LINGO2: variants seen among roughly 807,000 people sequenced by gnomAD.
LINGO2 encodes the protein leucine rich repeat and Ig domain containing 2.
Under a neutral mutation model 30.6 loss-of-function variants are expected in LINGO2, and 14 were observed. That is an observed-to-expected ratio of 0.46 (90% CI 0.30 to 0.72). The LOEUF is 0.72. LINGO2 is among the 30% of genes least tolerant of loss of function. LINGO2 has a pLI of 0.07. For missense variants in LINGO2, 729 were observed against 751.7 expected (o/e 0.97, Z 0.35); for synonymous variants, 317 against 288.5 (o/e 1.10, Z -1.00).
chr9:28,558,404 G>A (rs1822864731), intron 1 of LINGO2, among the ~76,000 whole-genome samples: 1 of 152,040 alleles, frequency 6.6e-6, no homozygotes, highest in South Asian at 2.1e-4. Flanking sequence ...TCAGCGTTTA[G>A]TATGCATATT....
the LINGO2 span, among the ~76,000 whole-genome samples, chr9:28,979,347 A>T: frequency 2.0e-5 from 3 of 152,106 alleles, no homozygotes; most frequent in East Asian, 5.8e-4. Flanking sequence ...GGTGGCTTTC[A>T]AAGTAGCTAT....
chr9:28,459,584 A>C (rs1021397032), intron 2 of LINGO2, among the ~76,000 whole-genome samples: 4 of 152,080 alleles, frequency 2.6e-5, no homozygotes, highest in African/African-American at 9.7e-5. Context: ...TATGAATATT[A>C]ATATGGATCT....
chr9:28,781,079 G>C, the LINGO2 span, among the ~76,000 whole-genome samples: 1 of 152,112 alleles, frequency 6.6e-6, no homozygotes, highest in Non-Finnish European at 1.5e-5. Context: ...TAGAAGCCTT[G>C]TATTTCAGTC....
At chr9:28,162,802 G>A (rs370217934) in intron 4 of LINGO2, among the ~76,000 whole-genome samples, 1 of 152,050 alleles carries the variant, frequency 6.6e-6, no homozygotes, top group East Asian at 1.9e-4. Context: ...GACTTAACTT[G>A]GACATGATTG....
the LINGO2 span, among the ~76,000 whole-genome samples, chr9:28,978,841 G>GAGAAA: frequency 0.65 from 98,240 of 151,248 alleles, 32,458 homozygotes; most frequent in Non-Finnish European, 0.72. Context: ...ATATTCTGAA[G>GAGAAA]AGTGTTGAAT....
intron 4 of LINGO2, among the ~76,000 whole-genome samples, chr9:28,208,798 A>G (rs1048118454): frequency 7.9e-5 from 12 of 152,072 alleles, no homozygotes; most frequent in Admixed American, 6.6e-4. Flanking sequence ...GGGGATCTGC[A>G]CCTTTAATAA....
At chr9:28,664,344 T>C (rs1313953449) in intron 1 of LINGO2, among the ~76,000 whole-genome samples, 1 of 152,064 alleles carries the variant, frequency 6.6e-6, no homozygotes, top group Non-Finnish European at 1.5e-5. Flanking sequence ...AATGCTAATA[T>C]AGAGAGCTGT....
the LINGO2 span, among the ~76,000 whole-genome samples, chr9:28,741,837 G>A: frequency 6.6e-6 from 1 of 151,614 alleles, no homozygotes; most frequent in African/African-American, 2.4e-5. Flanking sequence ...GAGCTGACCC[G>A]GTGTTGGGCT....
At chr9:28,553,835 G>C (rs191610423) in intron 1 of LINGO2, among the ~76,000 whole-genome samples, 85 of 152,148 alleles carry the variant, frequency 5.6e-4, no homozygotes, top group Non-Finnish European at 9.7e-4. Context: ...GAGACTGGGG[G>C]CCGATATTCA....
intron 4 of LINGO2, among the ~76,000 whole-genome samples, chr9:28,074,681 C>T (rs1333446478): frequency 6.6e-6 from 1 of 152,234 alleles, no homozygotes; most frequent in Middle Eastern, 3.4e-3. Context: ...AGTGCCTTAT[C>T]CCATGCCAAA....
chr9:28,607,755 T>TTGGTCA (rs1825751722), intron 1 of LINGO2, among the ~76,000 whole-genome samples: 1 of 151,992 alleles, frequency 6.6e-6, no homozygotes, highest in African/African-American at 2.4e-5. Context: ...CTAATCCTAG[T>TTGGTCA]TGGTCATGGG....
chr9:28,605,878 T>C (rs550551763), intron 1 of LINGO2, among the ~76,000 whole-genome samples: 5 of 152,066 alleles, frequency 3.3e-5, no homozygotes, highest in Non-Finnish European at 7.4e-5. Context: ...CAAAGTCCTA[T>C]GGTCGTCAAA....
chr9:28,989,948 G>A, the LINGO2 span, among the ~76,000 whole-genome samples: 9 of 152,164 alleles, frequency 5.9e-5, no homozygotes, highest in African/African-American at 1.2e-4. Flanking sequence ...CCGGTCTACA[G>A]CTCCCAGCGT....
At chr9:29,106,299 T>C in the LINGO2 span, among the ~76,000 whole-genome samples, 1 of 152,114 alleles carries the variant, frequency 6.6e-6, no homozygotes, top group Non-Finnish European at 1.5e-5. Context: ...GTCACTTACA[T>C]TTGGGGAGAC....
intron 1 of LINGO2, among the ~76,000 whole-genome samples, chr9:28,590,075 A>C (rs1239979375): frequency 6.6e-6 from 1 of 152,152 alleles, no homozygotes; most frequent in Non-Finnish European, 1.5e-5. Flanking sequence ...TATTTAATAA[A>C]TGGTGCTGGG....
the LINGO2 span, among the ~76,000 whole-genome samples, chr9:28,968,089 T>G: frequency 6.6e-6 from 1 of 152,166 alleles, no homozygotes; most frequent in Non-Finnish European, 1.5e-5. Context: ...TATCTGAACT[T>G]TATAATGGAC....
chr9:28,590,036 GAA>G (rs1563847170), intron 1 of LINGO2, among the ~76,000 whole-genome samples: 2 of 151,992 alleles, frequency 1.3e-5, no homozygotes, highest in African/African-American at 4.8e-5. Flanking sequence ...ACAAACCTGA[GAA>G]AAACAAGCAA....
intron 4 of LINGO2, among the ~76,000 whole-genome samples, chr9:28,014,516 G>A (rs1328460333): frequency 2.0e-5 from 3 of 152,118 alleles, no homozygotes; most frequent in Non-Finnish European, 4.4e-5. Context: ...GAAATGATAA[G>A]CAACTTCCAA....
intron 1 of LINGO2, among the ~76,000 whole-genome samples, chr9:28,649,310 T>C (rs1210025829): frequency 6.7e-6 from 1 of 150,162 alleles, no homozygotes; most frequent in Non-Finnish European, 1.5e-5. Context: ...TAGTACATAA[T>C]GACAAGCATG....
Sources: gnomAD v4.1 joint callset for allele counts (sites outside exome capture counted in the v4.1 genomes callset) on GRCh38, gnomAD v4.1.1 for gene constraint, MANE v1.5 for transcripts, NCBI Gene and HGNC (gene_info 2026-07-23, HGNC 2026-07-21) for gene names.